The following NIPSNAP2 variants were observed in gnomAD, a reference collection of about 807,000 sequenced individuals.
NIPSNAP2 encodes nipsnap homolog 2, also known as protein NipSnap homolog 2.
NIPSNAP2 carries 42 observed loss-of-function variants against 48.4 expected under a neutral mutation model. The ratio of observed to expected loss-of-function variants is 0.87; its 90% CI spans 0.68 to 1.12. The LOEUF is 1.12. Ranked by LOEUF, NIPSNAP2 falls within the 50% of genes most tolerant of loss-of-function variation. The pLI is 0.00. For synonymous variants in NIPSNAP2, 158 were observed against 126.6 expected (o/e 1.25, Z -1.67); for missense variants, 314 against 347.3 (o/e 0.90, Z 0.76).
In NIPSNAP2 at chr7:55,997,433, A is replaced by G; in HGVS notation, c.780A>G (p.Glu260=). The G allele has an allele frequency of 6.2e-7, 1 of 1,612,236 alleles. No individual in the cohort carries two copies. The highest frequency in any genetic ancestry group is 8.5e-7 in the Non-Finnish European group (1 of 1,178,362). The change falls in exon 9 of 10, where the codon GAA becomes GAG. Residue 260 remains glutamate (E), a synonymous_variant. Transcript: ENST00000322090. The stretch of plus-strand genomic sequence containing the variant: ...CATGGCACAAACATGGCTGGGAGGA[A>G]TTGGTATATTACACAGGTAATCTCT... The part of the protein sequence containing the change: ...NAAWHKHGWE[E]LVYYTVPLIQ...
intron 7 of NIPSNAP2, among the ~76,000 whole-genome samples, chr7:55,989,649 G>C (rs1013582001): frequency 6.6e-6 from 1 of 151,766 alleles, no homozygotes; most frequent in Non-Finnish European, 1.5e-5. Context: ...AATTAAGAGG[G>C]ATGCAAGAAT....
intron 7 of NIPSNAP2, among the ~76,000 whole-genome samples, chr7:55,988,665 C>T (rs13243725): frequency 0.11 from 17,012 of 152,020 alleles, 1,543 homozygotes; most frequent in East Asian, 0.24. Flanking sequence ...TCGAGACCGA[C>T]CTGGCCAACG....
intron 3 of NIPSNAP2, 46 bp from the exon 4 acceptor site, chr7:55,981,427 A>T (rs759697405): frequency 6.8e-7 from 1 of 1,469,188 alleles, no homozygotes; most frequent in East Asian, 2.3e-5. Flanking sequence ...CACCTGGTCA[A>T]ATTTTGCTGG....
intron 1 of NIPSNAP2, among the ~76,000 whole-genome samples, chr7:55,974,298 G>C (rs1295259564): frequency 6.6e-6 from 1 of 151,538 alleles, no homozygotes; most frequent in East Asian, 1.9e-4. Flanking sequence ...AAGGCTGCCA[G>C]TATCATGTGA....
At chr7:55,972,799 G>C (rs974883072) in intron 1 of NIPSNAP2, among the ~76,000 whole-genome samples, 2 of 152,038 alleles carry the variant, frequency 1.3e-5, no homozygotes, top group African/African-American at 4.8e-5. Context: ...GACAAAATGT[G>C]CTTTCATTTT....
chr7:55,969,813 C>G (rs963541273), intron 1 of NIPSNAP2, among the ~76,000 whole-genome samples: 1 of 151,882 alleles, frequency 6.6e-6, no homozygotes, highest in Non-Finnish European at 1.5e-5. Context: ...GAAACCCTGT[C>G]TCTACTAAAA....
At position 55,978,111 on chromosome 7, in the gene NIPSNAP2, T is replaced by G; in HGVS notation, c.93-15T>G. On this transcript the variant is annotated splice_polypyrimidine_tract_variant and intron_variant, in intron 1 of 9. Transcript: ENST00000322090. ...AAACAGTATACTGCGTGACAACACCTTTGTTATTCCATAGGACATGGACAT... is the reference window on the plus strand; with the variant it reads ...AAACAGTATACTGCGTGACAACACCGTTGTTATTCCATAGGACATGGACAT... 1.2e-6 allele frequency: 2 copies of G among 1,613,872 alleles called. No individual in the cohort carries two copies. Among genetic ancestry groups the G allele is most frequent in the Non-Finnish European group, 1.7e-6 (2 of 1,179,910 alleles).
chr7:55,987,948 TG>T (rs1323424598), intron 7 of NIPSNAP2, among the ~76,000 whole-genome samples: 1 of 152,156 alleles, frequency 6.6e-6, no homozygotes, highest in Non-Finnish European at 1.5e-5. Context: ...AATGTTAACG[TG>T]TTTTTTTTAC....
At chr7:55,969,720 A>G (rs562178062) in intron 1 of NIPSNAP2, among the ~76,000 whole-genome samples, 2 of 152,200 alleles carry the variant, frequency 1.3e-5, no homozygotes, top group East Asian at 3.9e-4. Context: ...GCGGTGGCTC[A>G]CGCCTGTAAT....
intron 4 of NIPSNAP2, chr7:55,981,999 G>T (rs1002944742): frequency 2.6e-6 from 1 of 386,600 alleles, no homozygotes; most frequent in Non-Finnish European, 4.8e-6. Flanking sequence ...TAGAGACAGG[G>T]TTTCACCATG....
intron 7 of NIPSNAP2, among the ~76,000 whole-genome samples, chr7:55,987,613 C>T (rs903213770): frequency 3.9e-5 from 6 of 152,098 alleles, no homozygotes; most frequent in South Asian, 2.1e-4. Flanking sequence ...GGCAACAGAG[C>T]GAGACTTCAT....
intron 1 of NIPSNAP2, among the ~76,000 whole-genome samples, chr7:55,974,269 AAAGAAAG>A (rs1787066018): frequency 7.2e-5 from 5 of 69,878 alleles, no homozygotes; most frequent in South Asian, 9.6e-4. Flanking sequence ...AAAAAAAAAG[AAAGAAAG>A]AAAGAAAGAA....
chr7:55,987,009 A>G (rs4269489), intron 7 of NIPSNAP2, among the ~76,000 whole-genome samples: 1 of 147,832 alleles, frequency 6.8e-6, no homozygotes. Context: ...AAAAAAAAAA[A>G]ACTTGCCAGG....
rs1451790786 is a variant in NIPSNAP2, at chr7:55,979,556, CTT to C, written c.278+1162_278+1163del. On this transcript the variant is annotated intron_variant, in intron 3 of 9. Coordinates refer to ENST00000322090, the MANE Select transcript of NIPSNAP2 (RefSeq NM_001483.3). Reference sequence around the variant, plus strand: ...TTCATCGGACATGTATTTTGGTTCTCTTGTTTCCTTCTCCATCTCTCTCTCCA... The same window carrying C: ...TTCATCGGACATGTATTTTGGTTCTCGTTTCCTTCTCCATCTCTCTCTCCA... 4 of 337,238 alleles carry C rather than the reference CTT, an allele frequency of 1.2e-5. No individual in the cohort carries two copies. The East Asian group carries it at 3.0e-4, about 25-fold the overall frequency. 20.9% of individuals were successfully genotyped at this position (337,238 alleles called of 1,614,324 possible).
chr7:55,969,708 G>A (rs1584337647), intron 1 of NIPSNAP2, among the ~76,000 whole-genome samples: 1 of 152,160 alleles, frequency 6.6e-6, no homozygotes, highest in East Asian at 1.9e-4. Context: ...ATATTGCCGG[G>A]CGCGGTGGCT....
intron 1 of NIPSNAP2, among the ~76,000 whole-genome samples, chr7:55,973,962 C>T (rs1562762299): frequency 6.6e-6 from 1 of 152,064 alleles, no homozygotes; most frequent in Non-Finnish European, 1.5e-5. Flanking sequence ...CGGCAGCTCA[C>T]CCTTGCAATC....
intron 5 of NIPSNAP2, among the ~76,000 whole-genome samples, chr7:55,982,634 C>G (rs368399155): frequency 5.3e-5 from 8 of 151,984 alleles, no homozygotes; most frequent in East Asian, 1.9e-4. Flanking sequence ...CACCTGTAGT[C>G]CCAGCTACTC....
chr7:55,991,048 C>T (rs1175458901), intron 7 of NIPSNAP2, among the ~76,000 whole-genome samples: 2 of 152,098 alleles, frequency 1.3e-5, no homozygotes, highest in Non-Finnish European at 2.9e-5. Flanking sequence ...GCCTCAGCAT[C>T]CCAAAGTGCT....
At chr7:55,970,500 C>T (rs1261945905) in intron 1 of NIPSNAP2, among the ~76,000 whole-genome samples, 3 of 152,028 alleles carry the variant, frequency 2.0e-5, no homozygotes, top group Admixed American at 6.6e-5. Context: ...TTAGTAGAGA[C>T]AGGGTTTGGC....
Sources: allele counts gnomAD v4.1 joint callset (sites outside exome capture counted in the v4.1 genomes callset), GRCh38; gene constraint gnomAD v4.1.1; transcripts MANE v1.5; gene names NCBI Gene and HGNC (gene_info 2026-07-23, HGNC 2026-07-21).